The following PARD3 variants were observed in gnomAD, a reference collection of about 807,000 sequenced individuals.
The protein encoded by PARD3 is par-3 family cell polarity regulator.
A neutral mutation model predicts 155.4 loss-of-function variants in PARD3; 75 were observed. The ratio of observed to expected loss-of-function variants is 0.48; its 90% CI spans 0.40 to 0.58. The LOEUF is 0.58. PARD3 is among the 20% of genes least tolerant of loss of function. The pLI is 0.00. For synonymous variants in PARD3, 576 were observed against 610.5 expected (o/e 0.94, Z 0.83); for missense variants, 1,642 against 1,721.7 (o/e 0.95, Z 0.82).
chr10:34,374,919 GCTCA>G lies in PARD3; in HGVS notation c.1619_1622del (p.Val540AlafsTer16). 6.2e-7 allele frequency: 1 copy of G among 1,613,878 alleles called. No individual in the cohort carries two copies. The highest frequency in any genetic ancestry group is 8.5e-7 in the Non-Finnish European group (1 of 1,179,848). On this transcript the variant is annotated frameshift_variant, in exon 11 of 25. Coordinates refer to ENST00000374788, the MANE Select transcript of PARD3 (RefSeq NM_001184785.2). LOFTEE classifies it high-confidence loss of function. ...CGTCTTCCTGGCGAAAGACCAGAAGGCTCACAGTTCCTTCCATCTTGGTGCTTCT... is the reference window on the plus strand; with the variant it reads ...CGTCTTCCTGGCGAAAGACCAGAAGGCAGTTCCTTCCATCTTGGTGCTTCT...
intron 20 of PARD3, among the ~76,000 whole-genome samples, chr10:34,303,855 A>C (rs938496298): frequency 2.0e-5 from 3 of 152,176 alleles, no homozygotes; most frequent in Admixed American, 6.5e-5. Context: ...GAATGAGCAG[A>C]GGATGCAAAA....
chr10:34,174,142 T>C (rs1949929402), intron 22 of PARD3, among the ~76,000 whole-genome samples: 1 of 152,208 alleles, frequency 6.6e-6, no homozygotes, highest in Non-Finnish European at 1.5e-5. Context: ...GAAAATGTAC[T>C]TCAGCATACA....
chr10:34,608,818 G>A (rs2132596353), intron 2 of PARD3, among the ~76,000 whole-genome samples: 1 of 152,234 alleles, frequency 6.6e-6, no homozygotes, highest in South Asian at 2.1e-4. Flanking sequence ...ACAGGCATGA[G>A]CCACCGCACC....
intron 2 of PARD3, among the ~76,000 whole-genome samples, chr10:34,522,778 C>T (rs1309084924): frequency 6.6e-6 from 1 of 152,142 alleles, no homozygotes; most frequent in African/African-American, 2.4e-5. Context: ...AACACAAAGT[C>T]GTTTTTATTA....
chr10:34,701,333 A>ATGTTGTTGTTGT (rs34806804), intron 1 of PARD3, among the ~76,000 whole-genome samples: 2,091 of 149,958 alleles, frequency 0.014, 23 homozygotes, highest in South Asian at 0.03. Flanking sequence ...ACACGCGGGG[A>ATGTTGTTGTTGT]TGTTGTTGTT....
At chr10:34,712,398 C>A (rs958073498) in intron 1 of PARD3, among the ~76,000 whole-genome samples, 1 of 152,214 alleles carries the variant, frequency 6.6e-6, no homozygotes, top group African/African-American at 2.4e-5. Flanking sequence ...CTGCGCCCAC[C>A]TCCTAATCCA....
intron 2 of PARD3, among the ~76,000 whole-genome samples, chr10:34,550,529 T>G (rs1403194746): frequency 6.6e-6 from 1 of 152,150 alleles, no homozygotes; most frequent in East Asian, 1.9e-4. Flanking sequence ...CCACCTTTAA[T>G]GTATTGGAAC....
chr10:34,612,762 A>G (rs1404780359), intron 2 of PARD3, among the ~76,000 whole-genome samples: 1 of 152,266 alleles, frequency 6.6e-6, no homozygotes, highest in Non-Finnish European at 1.5e-5. Context: ...GCTAGTCATC[A>G]TAGCAATGCT....
chr10:34,643,977 A>G (rs2092758547), intron 2 of PARD3, among the ~76,000 whole-genome samples: 1 of 152,170 alleles, frequency 6.6e-6, no homozygotes, highest in African/African-American at 2.4e-5. Context: ...GACTCCATGG[A>G]GGGATGTGTA....
intron 15 of PARD3, chr10:34,344,790 C>T (rs1837228270): frequency 1.0e-6 from 1 of 985,342 alleles, no homozygotes; most frequent in African/African-American, 1.7e-5. Context: ...TCCTGTCTGA[C>T]CCCAACAAAA....
At chr10:34,665,799 C>T (rs1317338444) in intron 2 of PARD3, among the ~76,000 whole-genome samples, 1 of 148,248 alleles carries the variant, frequency 6.7e-6, no homozygotes, top group African/African-American at 2.6e-5. Flanking sequence ...GACGGCGCCA[C>T]TGCACTCCAG....
rs779658592 is a variant in PARD3, at chr10:34,581,234, C to CTTTTTTTTTTTTTTTT, written c.223-64091_223-64076dup. On this transcript the variant is annotated intron_variant, in intron 2 of 24. Coordinates refer to ENST00000374788, the MANE Select transcript of PARD3 (RefSeq NM_001184785.2). Reference sequence around the variant, plus strand: ...TTTTGGTTATTTTTCTTTTTCTTTTCTTTTTTTTTTTTTTTTTTGAGACGG... The same window carrying CTTTTTTTTTTTTTTTT: ...TTTTGGTTATTTTTCTTTTTCTTTTCTTTTTTTTTTTTTTTTTTTTTTTTTTTTTTTTTTGAGACGG... Among the ~76,000 whole-genome samples, 81 of 101,240 alleles carry CTTTTTTTTTTTTTTTT rather than the reference C, an allele frequency of 8.0e-4. 6 individuals carry two copies. The highest frequency in any genetic ancestry group is 2.0e-3 in the African/African-American group (47 of 23,874). 66.4% of individuals were successfully genotyped at this position (101,240 alleles called of 152,430 possible). A position where few individuals can be genotyped will look rare whatever the true frequency, so the allele number is the denominator to read the frequency against.
intron 20 of PARD3, 94 bp downstream of exon 20, chr10:34,317,013 G>A: frequency 2.6e-6 from 3 of 1,161,996 alleles, no homozygotes; most frequent in South Asian, 3.5e-5. Context: ...GGGATTACAG[G>A]TGTGCACTAC....
chr10:34,591,705 T>C (rs1056906555), intron 2 of PARD3, among the ~76,000 whole-genome samples: 2 of 152,060 alleles, frequency 1.3e-5, no homozygotes, highest in Non-Finnish European at 2.9e-5. Context: ...AATCCAGAAA[T>C]GAAGTCGCTG....
intron 22 of PARD3, among the ~76,000 whole-genome samples, chr10:34,169,475 T>A (rs1398272017): frequency 6.6e-6 from 1 of 152,088 alleles, no homozygotes; most frequent in Non-Finnish European, 1.5e-5. Context: ...TTGAAAACCC[T>A]AAGGGGATGA....
At chr10:34,788,445 C>A (rs1379797897) in intron 1 of PARD3, among the ~76,000 whole-genome samples, 1 of 136,596 alleles carries the variant, frequency 7.3e-6, no homozygotes, top group Non-Finnish European at 1.5e-5. Context: ...GCTCTAGGTC[C>A]AGTTCTTTTT....
In PARD3 at chr10:34,756,404, C is replaced by T. The variant is rs573903032; in HGVS notation, c.120+58472G>A. 4.3e-4 allele frequency among the ~76,000 whole-genome samples: 63 copies of T among 148,114 alleles called. No individual in the cohort carries two copies. In the East Asian group the frequency reaches 7.9e-3, roughly 19 times the overall value. On this transcript the variant is annotated intron_variant, in intron 1 of 24. Transcript: ENST00000374788. ...TCCTGACCTCATGATCTGCCCGCCT[C>T]GGCCTCCCAAAGTGCTGGGATTACA...
intron 3 of PARD3, among the ~76,000 whole-genome samples, chr10:34,493,625 G>T (rs549269862): frequency 6.6e-6 from 1 of 151,772 alleles, no homozygotes; most frequent in Non-Finnish European, 1.5e-5. Flanking sequence ...CCAGCTACTC[G>T]GGAGGCTGAA....
In PARD3 at chr10:34,178,557, G is replaced by T. The variant is rs1228211846; in HGVS notation, c.3420-46974C>A. 2.0e-5 allele frequency among the ~76,000 whole-genome samples: 3 copies of T among 152,162 alleles called. No individual in the cohort carries two copies. The South Asian group carries it at 6.2e-4, about 32-fold the overall frequency. On this transcript the variant is annotated intron_variant, in intron 22 of 24. Coordinates refer to ENST00000374788, the MANE Select transcript of PARD3 (RefSeq NM_001184785.2). ...CCCAAGGAAAAACAGGGATAAGAAA[G>T]TAAACCTCCTGGATCCTCCTCAAAA...
Sources: allele counts gnomAD v4.1 joint callset (sites outside exome capture counted in the v4.1 genomes callset), GRCh38; gene constraint gnomAD v4.1.1; transcripts MANE v1.5; gene names NCBI Gene and HGNC (gene_info 2026-07-23, HGNC 2026-07-21).